The following PDE1C variants were observed in gnomAD, a reference collection of about 807,000 sequenced individuals.
The protein encoded by PDE1C is dual specificity calcium/calmodulin-dependent 3',5'-cyclic nucleotide phosphodiesterase 1C.
In PDE1C, 62 loss-of-function variants were observed where a neutral mutation model predicts 93.1. The observed-to-expected ratio is 0.67, with a 90% CI of 0.54 to 0.82. The LOEUF is 0.82. Among genes scored for constraint, PDE1C ranks in the 40% least tolerant of loss-of-function variants. The probability of loss-of-function intolerance (pLI) is 0.00; values close to 1 mark genes in which losing one functional copy is unlikely to be tolerated. For synonymous variants in PDE1C, 325 were observed against 310.1 expected, an observed-to-expected ratio of 1.05 and a Z score of -0.50; for missense variants, 742 against 884.6, an observed-to-expected ratio of 0.84 and a Z score of 2.04.
chr7:32,066,734 G>A (rs1443007000), intron 1 of PDE1C, among the ~76,000 whole-genome samples: 2 of 129,300 alleles, frequency 1.5e-5, no homozygotes, highest in African/African-American at 6.1e-5. Context: ...TAACAAAAAA[G>A]TAATTCAGAG....
At chr7:32,326,658 G>A (rs1464847735) in intron 1 of PDE1C, among the ~76,000 whole-genome samples, 1 of 152,190 alleles carries the variant, frequency 6.6e-6, no homozygotes, top group Non-Finnish European at 1.5e-5. Context: ...AGGACAAAAG[G>A]CAAAACCTGG....
chr7:32,315,913 T>A lies in PDE1C; in HGVS notation c.311-106374A>T, dbSNP rs1364288753. On this transcript the variant is annotated intron_variant, in intron 1 of 1. Transcript: ENST00000672256. ...GGGAGGCTAAGGTGGGAGAATTGCTTGAACCCAGGAGGCCAAAGTTGTGGT... is the reference window on the plus strand; with the variant it reads ...GGGAGGCTAAGGTGGGAGAATTGCTAGAACCCAGGAGGCCAAAGTTGTGGT... Among the ~76,000 whole-genome samples the A allele has an allele frequency of 2.0e-5, 3 of 152,316 alleles. No homozygotes were observed. In the East Asian group the frequency reaches 5.8e-4, roughly 29 times the overall value.
intron 3 of PDE1C, among the ~76,000 whole-genome samples, chr7:32,112,148 G>A (rs1234415399): frequency 1.3e-5 from 2 of 152,130 alleles, no homozygotes; most frequent in Non-Finnish European, 1.5e-5. Flanking sequence ...GAGATCTCTT[G>A]TGGGTTTTCC....
intron 3 of PDE1C, among the ~76,000 whole-genome samples, chr7:32,096,193 T>C (rs1253294953): frequency 6.6e-6 from 1 of 152,196 alleles, no homozygotes; most frequent in Admixed American, 6.5e-5. Flanking sequence ...TGGATCATCT[T>C]GAAGCATTGA....
At chr7:32,301,664 C>G (rs1812883806), upstream of PDE1C, among the ~76,000 whole-genome samples, 1 of 152,180 alleles carries the variant, frequency 6.6e-6, no homozygotes, top group South Asian at 2.1e-4. Context: ...TGAATGCTAA[C>G]ATTACATAAG....
At chr7:32,416,795 A>G (rs1191971649) in intron 1 of PDE1C, among the ~76,000 whole-genome samples, 1 of 152,178 alleles carries the variant, frequency 6.6e-6, no homozygotes, top group Non-Finnish European at 1.5e-5. Context: ...TCAAGTCTGT[A>G]TGGTTAAAAC....
intron 3 of PDE1C, among the ~76,000 whole-genome samples, chr7:32,158,546 C>A (rs1437795345): frequency 6.6e-6 from 1 of 152,174 alleles, no homozygotes; most frequent in Non-Finnish European, 1.5e-5. Context: ...TTTGTTCCAA[C>A]CATGTGGGAA....
intron 2 of PDE1C, among the ~76,000 whole-genome samples, chr7:32,037,670 T>C (rs78450556): frequency 6.6e-6 from 1 of 152,168 alleles, no homozygotes; most frequent in Admixed American, 6.5e-5. Flanking sequence ...AAATTCTCTA[T>C]GACTTTGTAC....
At chr7:31,641,920 T>C in the PDE1C span, among the ~76,000 whole-genome samples, 1 of 152,206 alleles carries the variant, frequency 6.6e-6, no homozygotes, top group Non-Finnish European at 1.5e-5. Flanking sequence ...TGTTATTTGG[T>C]TTTGAGAGAC....
chr7:32,097,990 G>A (rs1797845768), intron 3 of PDE1C, among the ~76,000 whole-genome samples: 1 of 149,462 alleles, frequency 6.7e-6, no homozygotes. Context: ...CAGCACTTTG[G>A]GAGGCCGAGG....
chr7:31,776,386 G>T (rs370331384), intron 16 of PDE1C, among the ~76,000 whole-genome samples: 24 of 152,248 alleles, frequency 1.6e-4, no homozygotes, highest in African/African-American at 5.8e-4. Context: ...GTTTAGTGGG[G>T]TTTCTTAGTT....
In PDE1C at chr7:32,090,730, C is replaced by T. The variant is rs147934634; in HGVS notation, c.308+79055G>A. The stretch of plus-strand genomic sequence containing the variant: ...TAAAAGTTACAAACTTTGTCTCTAC[C>T]TATTTGAACAAAATAGGTTATACTA... On this transcript the variant is annotated intron_variant, in intron 3 of 18. Transcript: ENST00000396193. Among the ~76,000 whole-genome samples the T allele has an allele frequency of 1.4e-3, 214 of 152,246 alleles. 1 individual carries two copies. Among genetic ancestry groups the T allele is most frequent in the African/African-American group, 4.8e-3 (201 of 41,538 alleles).
chr7:31,931,298 G>A (rs185147681), intron 2 of PDE1C, among the ~76,000 whole-genome samples: 42 of 152,266 alleles, frequency 2.8e-4, no homozygotes, highest in African/African-American at 1.0e-3. Flanking sequence ...AGGTCAAATT[G>A]TCTCTGTTTG....
intron 11 of PDE1C, among the ~76,000 whole-genome samples, chr7:31,832,799 T>C (rs1010023150): frequency 2.0e-5 from 3 of 152,242 alleles, no homozygotes; most frequent in African/African-American, 7.2e-5. Context: ...AGTATATGTA[T>C]GTGCAAACAA....
At chr7:32,313,821 G>A (rs988675539) in intron 1 of PDE1C, among the ~76,000 whole-genome samples, 1 of 151,070 alleles carries the variant, frequency 6.6e-6, no homozygotes, top group African/African-American at 2.4e-5. Flanking sequence ...GAGTTAATGG[G>A]TGCAGCACAC....
chr7:32,270,852 C>T (rs57597462), intron 1 of PDE1C, among the ~76,000 whole-genome samples: 2,320 of 152,136 alleles, frequency 0.015, 60 homozygotes, highest in African/African-American at 0.053. Context: ...ACTCTGTGAC[C>T]AGGCACAGTG....
chr7:32,405,103 T>C (rs1785024895), intron 1 of PDE1C, among the ~76,000 whole-genome samples: 1 of 152,136 alleles, frequency 6.6e-6, no homozygotes, highest in Admixed American at 6.5e-5. Context: ...ACATACCTCT[T>C]CTGTTGTACA....
intron 3 of PDE1C, among the ~76,000 whole-genome samples, chr7:32,107,459 T>C (rs6968690): frequency 0.68 from 103,983 of 151,916 alleles, 36,294 homozygotes; most frequent in Middle Eastern, 0.81. Flanking sequence ...TCAGAAGCCC[T>C]GTAAGCAAGA....
chr7:32,310,701 C>A (rs1474483104), intron 1 of PDE1C, among the ~76,000 whole-genome samples: 1 of 151,682 alleles, frequency 6.6e-6, no homozygotes, highest in Non-Finnish European at 1.5e-5. Flanking sequence ...TCTTTGAAAC[C>A]AACGAGAACA....
Sources: gnomAD v4.1 joint callset for allele counts (sites outside exome capture counted in the v4.1 genomes callset) on GRCh38, gnomAD v4.1.1 for gene constraint, MANE v1.5 for transcripts, NCBI Gene and HGNC (gene_info 2026-07-23, HGNC 2026-07-21) for gene names.